The following STAC2 variants were observed in gnomAD, a reference collection of about 807,000 sequenced individuals.
STAC2 encodes SH3 and cysteine rich domain 2.
In STAC2, 36 loss-of-function variants were observed where a neutral mutation model predicts 49.0. The observed-to-expected ratio is 0.74, with a 90% CI of 0.56 to 0.97. The LOEUF (loss-of-function observed/expected upper bound fraction) is 0.97, where lower values mean the gene tolerates loss of function less well. Among genes scored for constraint, STAC2 ranks in the 50% least tolerant of loss-of-function variants. The pLI, the probability that STAC2 is intolerant of heterozygous loss-of-function variation, is 0.00. For missense variants in STAC2, 527 were observed against 543.8 expected (o/e 0.97, Z 0.31); for synonymous variants, 239 against 214.7 (o/e 1.11, Z -0.99).
In STAC2 at chr17:39,225,727, C is replaced by T. The variant is rs974560670; in HGVS notation, c.-225G>A. 3 of 577,088 alleles carry T rather than the reference C, an allele frequency of 5.2e-6. No homozygotes were observed. The highest frequency in any genetic ancestry group is 9.2e-6 in the Non-Finnish European group (3 of 326,600). The allele number at this position is 577,088 out of a possible 1,614,324, so 35.7% of individuals were successfully genotyped here. Reference sequence around the variant, plus strand: ...GCTGAGCCGCAGGAGCGGGACGACCCCGGGCGCGAGGACCGAGGGTCTGCA... The same window carrying T: ...GCTGAGCCGCAGGAGCGGGACGACCTCGGGCGCGAGGACCGAGGGTCTGCA... On this transcript the variant is annotated 5_prime_UTR_variant, in exon 1 of 11. Transcript: ENST00000333461. The surrounding 1 kb of genome is among the most constrained non-coding windows in gnomAD (Gnocchi z 8.2).
At position 39,216,811 on chromosome 17, in the gene STAC2, A is replaced by T. The variant is rs1264523531; in HGVS notation, c.585T>A (p.Thr195=). The change falls in exon 4 of 11, where the codon ACT becomes ACA. Residue 195 remains threonine, a splice_region_variant and synonymous_variant. Coordinates refer to ENST00000333461, the MANE Select transcript of STAC2 (RefSeq NM_198993.5). The part of the protein sequence containing the change: ...VCATSKESPP[T]GDSGKVDPVY... ...ACTGCGGCCAGGGGGGGCACTCACC[A>T]GTGGGTGGGGACTCTTTGCTTGTGG... 6.3e-7 allele frequency: 1 copy of T among 1,587,358 alleles called. No individual in the cohort carries two copies. Among genetic ancestry groups the T allele is most frequent in the Non-Finnish European group, 8.6e-7 (1 of 1,167,180 alleles).
intron 4 of STAC2, 25 bp from the exon 5 acceptor site, chr17:39,215,255 C>G: frequency 6.2e-7 from 1 of 1,612,070 alleles, no homozygotes; most frequent in Non-Finnish European, 8.5e-7. Flanking sequence ...CCCTCAAGGC[C>G]TGGCTCTGCC....
chr17:39,215,295 A>T (rs998201129), intron 4 of STAC2, 65 bp from the exon 5 acceptor site: 47 of 1,546,812 alleles, frequency 3.0e-5, no homozygotes, highest in Admixed American at 1.2e-4. Flanking sequence ...GTCCCGGCTC[A>T]GCATGCCCCA....
intron 7 of STAC2, chr17:39,214,548 C>G: frequency 2.4e-6 from 2 of 843,728 alleles, no homozygotes; most frequent in Non-Finnish European, 2.9e-6. Context: ...GCCTGCTGTA[C>G]CCTGGGGCTG....
chr17:39,212,023 C>T lies in STAC2; in HGVS notation c.*269G>A, dbSNP rs1400733645. 2 of 378,072 alleles carry T rather than the reference C, an allele frequency of 5.3e-6. No individual in the cohort carries two copies. Among genetic ancestry groups the T allele is most frequent in the Admixed American group, 4.5e-5 (1 of 22,342 alleles). The allele number at this position is 378,072 out of a possible 1,614,324, so 23.4% of individuals were successfully genotyped here. A position where few individuals can be genotyped will look rare whatever the true frequency, so the allele number is the denominator to read the frequency against. On this transcript the variant is annotated 3_prime_UTR_variant, in exon 11 of 11. Coordinates refer to ENST00000333461, the MANE Select transcript of STAC2 (RefSeq NM_198993.5). ...CAGCAAGTAGACTGGGGTGCCTGGG[C>T]GTTGGGTGGACCTACCTGTAGCTTC...
chr17:39,213,179 G>A (rs1251025074), intron 9 of STAC2, 47 bp from the exon 10 acceptor site: 4 of 1,596,018 alleles, frequency 2.5e-6, no homozygotes, highest in East Asian at 2.2e-5. Flanking sequence ...CCCCACCCCT[G>A]CTGCCCACCA....
In STAC2 at chr17:39,217,981, G is replaced by A. The variant is rs1310393474; in HGVS notation, c.283C>T (p.Pro95Ser). 3 of 1,588,870 alleles carry A rather than the reference G, an allele frequency of 1.9e-6. No homozygotes were observed. Among genetic ancestry groups the A allele is most frequent in the South Asian group, 1.1e-5 (1 of 88,164 alleles). Residue 95 changes from proline to serine, a missense_variant, in exon 2 of 11, where the codon CCA (proline) becomes TCA (serine). By Grantham distance (74) the Pro-to-Ser change is moderately conservative. Coordinates refer to ENST00000333461, the MANE Select transcript of STAC2 (RefSeq NM_198993.5). ...DRGLATPSPS[P>S]CPVPRPLAAL... ...GCCAGGGGGCGTGGGACTGGGCATG[G>A]GGAGGGGGATGGGGTAGCCAGGCCC...
chr17:39,223,242 C>T (rs1315704744), intron 1 of STAC2, among the ~76,000 whole-genome samples: 1 of 152,224 alleles, frequency 6.6e-6, no homozygotes, highest in Non-Finnish European at 1.5e-5. Flanking sequence ...CATCTCCACC[C>T]ACAGTCTGGA....
intron 1 of STAC2, among the ~76,000 whole-genome samples, chr17:39,222,909 C>T (rs1016856483): frequency 5.3e-5 from 8 of 152,284 alleles, no homozygotes; most frequent in East Asian, 1.9e-4. Flanking sequence ...TGGTGGCAGA[C>T]GTGGCACAAG....
At position 39,212,391 on chromosome 17, in the gene STAC2, G is replaced by A. The variant is rs779627621; in HGVS notation, c.1137C>T (p.Cys379=). 13 of 1,604,942 alleles carry A rather than the reference G, an allele frequency of 8.1e-6. No homozygotes were observed. Among genetic ancestry groups the A allele is most frequent in the Non-Finnish European group, 8.5e-6 (10 of 1,174,976 alleles). The change falls in exon 11 of 11, where the codon TGC becomes TGT. Residue 379 remains cysteine, a synonymous_variant. Coordinates refer to ENST00000333461, the MANE Select transcript of STAC2 (RefSeq NM_198993.5). ...GYMSLKENQI[C]VGVGRSKDAD... ...CATCCTTGCTTCTGCCCACGCCCAC[G>A]CAGATCTGAGCCAGAGAGACATGGA...
At position 39,215,039 on chromosome 17, in the gene STAC2, G is replaced by A. The variant is rs2046389628; in HGVS notation, c.700-16C>T. The A allele has an allele frequency of 2.5e-6, 4 of 1,614,118 alleles. No individual in the cohort carries two copies. Among genetic ancestry groups the A allele is most frequent in the East Asian group, 4.5e-5 (2 of 44,870 alleles). ...CCCGCTCACTCTAGGGACAGAGAGA[G>A]GAGAGGGCTCAGCCCCCGAGCCCAC... On this transcript the variant is annotated splice_polypyrimidine_tract_variant and intron_variant, in intron 5 of 10. Transcript: ENST00000333461.
chr17:39,222,162 C>T (rs983320452), intron 1 of STAC2, among the ~76,000 whole-genome samples: 4 of 152,216 alleles, frequency 2.6e-5, no homozygotes, highest in Non-Finnish European at 4.4e-5. Context: ...GTCATGTTCC[C>T]CCCATCCCCA....
intron 1 of STAC2, among the ~76,000 whole-genome samples, chr17:39,224,404 A>G (rs1383037214): frequency 6.6e-6 from 1 of 152,150 alleles, no homozygotes; most frequent in African/African-American, 2.4e-5. Context: ...TCCCAACCCC[A>G]GGCCCGCTCA....
At chr17:39,213,702 A>G (rs1597730778) in intron 8 of STAC2, 144 bp from the exon 9 acceptor site, 6 of 669,108 alleles carry the variant, frequency 9.0e-6, no homozygotes, top group Non-Finnish European at 1.2e-5. Flanking sequence ...TTTAAGATAG[A>G]CTCTCACTCT....
In STAC2 at chr17:39,213,090, C is replaced by T. The variant is rs778563683; in HGVS notation, c.1036G>A (p.Val346Met). The T allele has an allele frequency of 1.9e-6, 3 of 1,612,846 alleles. No individual in the cohort carries two copies. The highest frequency in any genetic ancestry group is 2.5e-6 in the Non-Finnish European group (3 of 1,180,026). Residue 346 changes from valine to methionine, a missense_variant, in exon 10 of 11, where the codon GTG becomes ATG. Val to Met is a conservative substitution (Grantham distance 21, BLOSUM62 1). Transcript: ENST00000333461. Reference sequence around the variant, plus strand: ...TTCTCGCCTGGCCTCACCCGTTGCACAAAATTAGCTGGGAAGAAGCCAACC... The same window carrying T: ...TTCTCGCCTGGCCTCACCCGTTGCATAAAATTAGCTGGGAAGAAGCCAACC... ...DRVGFFPANF[V>M]QRVRPGENVW... is the part of the protein sequence containing the mutation.
At chr17:39,224,804 C>G (rs992464279) in intron 1 of STAC2, among the ~76,000 whole-genome samples, 1 of 152,178 alleles carries the variant, frequency 6.6e-6, no homozygotes, top group Non-Finnish European at 1.5e-5. Context: ...GCTGCAGGCC[C>G]CCTCGCGGAC....
intron 1 of STAC2, among the ~76,000 whole-genome samples, chr17:39,224,848 GTC>G (rs2046495786): frequency 3.3e-5 from 5 of 151,956 alleles, no homozygotes; most frequent in Admixed American, 2.6e-4. Context: ...GCGGCCTCGC[GTC>G]CCCGAGCCCA....
intron 1 of STAC2, among the ~76,000 whole-genome samples, chr17:39,221,272 T>A (rs1226332180): frequency 6.7e-6 from 1 of 150,214 alleles, no homozygotes; most frequent in Non-Finnish European, 1.5e-5. Context: ...ATTTTTTGTA[T>A]TTTTTTTTAG....
intron 1 of STAC2, among the ~76,000 whole-genome samples, chr17:39,223,422 G>A (rs1034194466): frequency 7.9e-5 from 12 of 152,220 alleles, no homozygotes; most frequent in Non-Finnish European, 4.4e-5. Context: ...GGGGAGGGGC[G>A]GAGGGCCGGG....
Sources: allele counts gnomAD v4.1 joint callset (sites outside exome capture counted in the v4.1 genomes callset), GRCh38; gene constraint gnomAD v4.1.1; non-coding constraint Gnocchi (gnomAD v3.1); transcripts MANE v1.5; gene names NCBI Gene and HGNC (gene_info 2026-07-23, HGNC 2026-07-21).